Variants in SHANK2 observed in about 807,000 individuals in gnomAD.
SHANK2 encodes SH3 and multiple ankyrin repeat domains 2.
Under a neutral mutation model 133.7 loss-of-function variants are expected in SHANK2, and 43 were observed. The ratio of observed to expected loss-of-function variants is 0.32; its 90% CI spans 0.25 to 0.41. The LOEUF is 0.41. SHANK2 is among the 10% of genes least tolerant of loss of function. The pLI, the probability that SHANK2 is intolerant of heterozygous loss-of-function variation, is 1.00. For synonymous variants in SHANK2, 1,017 were observed against 952.8 expected, an observed-to-expected ratio of 1.07 and a Z score of -1.24; for missense variants, 1,994 against 2,235.8, an observed-to-expected ratio of 0.89 and a Z score of 2.18.
chr11:70,904,510 G>GTTT (rs11336653), intron 10 of SHANK2, among the ~76,000 whole-genome samples: 1,716 of 136,256 alleles, frequency 0.013, 39 homozygotes, highest in African/African-American at 0.045. Context: ...GATCTGATGG[G>GTTT]TTTTTTTTTT....
rs190341687 is a variant in SHANK2, at chr11:70,824,869, G to A, written c.1175-4187C>T. Among the ~76,000 whole-genome samples the A allele has an allele frequency of 7.2e-5, 11 of 152,266 alleles. No homozygotes were observed. The East Asian group carries it at 1.7e-3, about 24-fold the overall frequency. ...TGATGAGCCCACAGTCTCAGAGAGC[G>A]ATTATCTTTCATTTACAGAGATTAC... On this transcript the variant is annotated intron_variant, in intron 11 of 25. Coordinates refer to ENST00000601538, the MANE Select transcript of SHANK2 (RefSeq NM_012309.5).
chr11:70,486,615 G>A lies in SHANK2; in HGVS notation c.3678C>T (p.Ala1226=), dbSNP rs2058809748. 2 of 1,613,650 alleles carry A rather than the reference G, an allele frequency of 1.2e-6. No homozygotes were observed. Among genetic ancestry groups the A allele is most frequent in the Non-Finnish European group, 1.7e-6 (2 of 1,180,016 alleles). ...TGGGTCCCTGTTGAGACTCCTTCATGGCTCGGTCCCTTGCGGAGAGTGCCA... is the reference window on the plus strand; with the variant it reads ...TGGGTCCCTGTTGAGACTCCTTCATAGCTCGGTCCCTTGCGGAGAGTGCCA... ...LALALSARDR[A]MKESQQGPKG... The change falls in exon 25 of 26, where the codon GCC becomes GCT. Residue 1226 remains alanine (A), a synonymous_variant. Transcript: ENST00000601538. The surrounding 1 kb of genome is among the most constrained non-coding windows in gnomAD (Gnocchi z 8.0).
At chr11:70,905,973 G>A (rs1036776680) in intron 10 of SHANK2, among the ~76,000 whole-genome samples, 6 of 151,938 alleles carry the variant, frequency 3.9e-5, no homozygotes, top group African/African-American at 9.7e-5. Context: ...CACCATGCCC[G>A]GCTAATTTTT....
chr11:70,625,810 G>GAAAA (rs34147403), intron 17 of SHANK2, among the ~76,000 whole-genome samples: 8 of 41,398 alleles, frequency 1.9e-4, no homozygotes, highest in Non-Finnish European at 2.8e-4. Flanking sequence ...GTGCAAAAAT[G>GAAAA]AAAAAAAAAA....
At chr11:70,914,920 G>A (rs1192945389) in intron 10 of SHANK2, among the ~76,000 whole-genome samples, 88 of 138,934 alleles carry the variant, frequency 6.3e-4, no homozygotes, top group Non-Finnish European at 1.2e-3. Context: ...AAGAAAGAAA[G>A]AAAAAAAAAA....
chr11:71,085,895 T>C (rs1316335810), intron 8 of SHANK2, among the ~76,000 whole-genome samples: 135 of 762 alleles, frequency 0.18, 10 homozygotes, highest in Non-Finnish European at 0.42. Flanking sequence ...CCTTAATATA[T>C]ATATTAATTA....
At chr11:70,742,467 T>C (rs1946549411) in intron 14 of SHANK2, among the ~76,000 whole-genome samples, 1 of 152,174 alleles carries the variant, frequency 6.6e-6, no homozygotes, top group Admixed American at 6.5e-5. Flanking sequence ...CCAGGACAAT[T>C]CTTGGCAGGT....
Position 70,486,020 on chromosome 11 carries a change from C to T in SHANK2, c.4273G>A (p.Asp1425Asn), listed in dbSNP as rs782374798. ...GCCGGGACAGAAGCTGCCCGGTCATCGGGGATATCAAAACTATTTGCAAAT... is the reference window on the plus strand; with the variant it reads ...GCCGGGACAGAAGCTGCCCGGTCATTGGGGATATCAAAACTATTTGCAAAT... Reference protein sequence around the residue: ...LEFANSFDIPDDRAASVPALS... With the variant: ...LEFANSFDIPNDRAASVPALS... Residue 1425 changes from aspartate to asparagine, a missense_variant, in exon 25 of 26, where the codon GAT (aspartate) becomes AAT (asparagine). Coordinates refer to ENST00000601538, the MANE Select transcript of SHANK2 (RefSeq NM_012309.5). The surrounding 1 kb of genome is among the most constrained non-coding windows in gnomAD (Gnocchi z 8.0). The T allele has an allele frequency of 1.2e-6, 2 of 1,614,002 alleles. No individual in the cohort carries two copies. The highest frequency in any genetic ancestry group is 1.7e-6 in the Non-Finnish European group (2 of 1,180,024).
intron 17 of SHANK2, among the ~76,000 whole-genome samples, chr11:70,515,922 C>G (rs1194861954): frequency 1.3e-5 from 2 of 152,074 alleles, no homozygotes; most frequent in African/African-American, 4.8e-5. Context: ...TTTGATCTCA[C>G]TGAGCATATT....
chr11:70,864,082 C>T lies in SHANK2; in HGVS notation c.1174+32419G>A, dbSNP rs1468781511. The T allele has an allele frequency of 1.9e-5, 6 of 324,092 alleles. No individual in the cohort carries two copies. In the East Asian group the frequency reaches 5.1e-4, roughly 28 times the overall value. 20.1% of individuals were successfully genotyped at this position (324,092 alleles called of 1,614,324 possible). A position where few individuals can be genotyped will look rare whatever the true frequency, so the allele number is the denominator to read the frequency against. On this transcript the variant is annotated intron_variant, in intron 11 of 25. Coordinates refer to ENST00000601538, the MANE Select transcript of SHANK2 (RefSeq NM_012309.5). Reference sequence around the variant, plus strand: ...CTTGCAAGCACAAGAAAGGGACCCTCCAGTTCGGGGTGCCCACACACCTTG... The same window carrying T: ...CTTGCAAGCACAAGAAAGGGACCCTTCAGTTCGGGGTGCCCACACACCTTG...
chr11:70,807,881 G>A lies in SHANK2; in HGVS notation c.1494-710C>T, dbSNP rs941253187. On this transcript the variant is annotated intron_variant, in intron 12 of 25. Transcript: ENST00000601538. The surrounding 1 kb of genome is among the most constrained non-coding windows in gnomAD (Gnocchi z 4.8). ...AGGCTACACCATGGGTGAACCTTGG[G>A]GACACTGCTCAGTGAGATACACCAG... is the stretch of plus-strand genomic sequence containing the variant. Among the ~76,000 whole-genome samples, 10 of 152,042 alleles carry A rather than the reference G, an allele frequency of 6.6e-5. No individual in the cohort carries two copies. The highest frequency in any genetic ancestry group is 1.3e-4 in the Non-Finnish European group (9 of 68,014).
chr11:70,929,020 A>T (rs1950466727), intron 10 of SHANK2, among the ~76,000 whole-genome samples: 1 of 152,156 alleles, frequency 6.6e-6, no homozygotes, highest in Non-Finnish European at 1.5e-5. Flanking sequence ...TGGAGAGAGA[A>T]GCTGGGAGGG....
intron 3 of SHANK2, among the ~76,000 whole-genome samples, chr11:71,122,222 A>G (rs1286321656): frequency 6.6e-6 from 1 of 152,220 alleles, no homozygotes; most frequent in Non-Finnish European, 1.5e-5. Context: ...CACTATTCAC[A>G]ATAGCAAAGA....
At chr11:71,202,202 C>T (rs1954032276) in intron 2 of SHANK2, among the ~76,000 whole-genome samples, 1 of 152,246 alleles carries the variant, frequency 6.6e-6, no homozygotes, top group South Asian at 2.1e-4. Flanking sequence ...CACCCTTCTG[C>T]CGGGTGGCAG....
At chr11:70,856,340 G>A (rs73534037) in intron 11 of SHANK2, among the ~76,000 whole-genome samples, 5,199 of 152,156 alleles carry the variant, frequency 0.034, 261 homozygotes, top group African/African-American at 0.12. Context: ...TTAGGTGGGC[G>A]CATAGATGAA....
At chr11:70,610,068 G>A in intron 17 of SHANK2, among the ~76,000 whole-genome samples, 1 of 151,696 alleles carries the variant, frequency 6.6e-6, no homozygotes, top group South Asian at 2.1e-4. Context: ...GGGAGCGGCT[G>A]CCAGGAGGTT....
intron 17 of SHANK2, among the ~76,000 whole-genome samples, chr11:70,521,046 G>A (rs2059324147): frequency 6.6e-6 from 1 of 152,176 alleles, no homozygotes; most frequent in Non-Finnish European, 1.5e-5. Flanking sequence ...ATGTGACTTT[G>A]TGTCTTCAAT....
intron 21 of SHANK2, among the ~76,000 whole-genome samples, chr11:70,498,211 C>T (rs74326947): frequency 0.01 from 1,573 of 152,366 alleles, 22 homozygotes; most frequent in African/African-American, 0.036. Context: ...TACATCCTGT[C>T]TCTGGGTGAG....
intron 10 of SHANK2, among the ~76,000 whole-genome samples, chr11:70,933,876 G>C (rs1229416667): frequency 6.9e-6 from 1 of 145,256 alleles, no homozygotes; most frequent in Non-Finnish European, 1.5e-5. Context: ...CTCCAGCCTA[G>C]GTGAGAGAGC....
Sources: allele counts gnomAD v4.1 joint callset (sites outside exome capture counted in the v4.1 genomes callset), GRCh38; gene constraint gnomAD v4.1.1; non-coding constraint Gnocchi (gnomAD v3.1); transcripts MANE v1.5; gene names NCBI Gene and HGNC (gene_info 2026-07-23, HGNC 2026-07-21).